Variants in PCDH15 observed in about 807,000 individuals in gnomAD.
PCDH15 encodes the protein protocadherin related 15, also known as protocadherin-15.
A neutral mutation model predicts 178.5 loss-of-function variants in PCDH15; 129 were observed. The ratio of observed to expected loss-of-function variants is 0.72; its 90% CI spans 0.63 to 0.84. The LOEUF (loss-of-function observed/expected upper bound fraction) is 0.84, where lower values mean the gene tolerates loss of function less well. Among genes scored for constraint, PCDH15 ranks in the 40% least tolerant of loss-of-function variants. The pLI is 0.00. For missense variants in PCDH15, 2,230 were observed against 2,099.9 expected (o/e 1.06, Z -1.21); for synonymous variants, 800 against 732.0 (o/e 1.09, Z -1.50).
At chr10:55,430,103 A>G (rs1838847935) in intron 2 of PCDH15, among the ~76,000 whole-genome samples, 1 of 152,178 alleles carries the variant, frequency 6.6e-6, no homozygotes, top group African/African-American at 2.4e-5. Context: ...AAGCCTGGGC[A>G]ACATAGTGAT....
chr10:54,170,821 T>G (rs1193895364), intron 13 of PCDH15, among the ~76,000 whole-genome samples: 1 of 152,010 alleles, frequency 6.6e-6, no homozygotes, highest in African/African-American at 2.4e-5. Context: ...GCCCGCCTCT[T>G]AGAACCTCTC....
intron 8 of PCDH15, among the ~76,000 whole-genome samples, chr10:54,239,552 G>C (rs911519681): frequency 6.6e-6 from 1 of 151,746 alleles, no homozygotes; most frequent in African/African-American, 2.4e-5. Context: ...GGGTAGATGG[G>C]ATAGAAAATA....
intron 19 of PCDH15, among the ~76,000 whole-genome samples, chr10:54,022,133 A>C (rs1565038644): frequency 6.6e-6 from 1 of 151,328 alleles, no homozygotes; most frequent in Non-Finnish European, 1.5e-5. Flanking sequence ...TTTTTTTTCC[A>C]AAACATACCT....
chr10:54,691,616 G>C (rs1402223239), intron 1 of PCDH15, among the ~76,000 whole-genome samples: 1 of 151,558 alleles, frequency 6.6e-6, no homozygotes, highest in African/African-American at 2.4e-5. Context: ...ATTTTGAATG[G>C]CAATGCTTAA....
intron 2 of PCDH15, among the ~76,000 whole-genome samples, chr10:55,136,317 A>G (rs1020627695): frequency 3.9e-5 from 6 of 152,060 alleles, no homozygotes; most frequent in Admixed American, 2.0e-4. Flanking sequence ...ATTAACACCA[A>G]GTTTCTTTCC....
At chr10:54,668,681 A>T (rs1304180531) in intron 1 of PCDH15, among the ~76,000 whole-genome samples, 3 of 152,186 alleles carry the variant, frequency 2.0e-5, no homozygotes, top group Admixed American at 2.0e-4. Context: ...GGTTGACACC[A>T]CAGCAGTTTT....
intron 37 of PCDH15, chr10:53,809,602 C>T (rs1400995499): frequency 1.3e-6 from 2 of 1,511,258 alleles, no homozygotes; most frequent in African/African-American, 1.4e-5. Flanking sequence ...TATGGTATGA[C>T]CTTGTCCCAC....
rs558178194 is a variant in PCDH15, at chr10:54,020,030, A to G, written c.2751+162T>C. On this transcript the variant is annotated intron_variant, in intron 20 of 37. Coordinates refer to ENST00000644397, the MANE Select transcript of PCDH15 (RefSeq NM_001384140.1). Reference sequence around the variant, plus strand: ...ATAGTCAAAAATATAGTTATTTCTTATGTATTCATAAATATTTCCATTGGA... The same window carrying G: ...ATAGTCAAAAATATAGTTATTTCTTGTGTATTCATAAATATTTCCATTGGA... Among the ~76,000 whole-genome samples the G allele has an allele frequency of 2.6e-5, 4 of 152,190 alleles. No individual in the cohort carries two copies. In the South Asian group the frequency reaches 8.3e-4, roughly 31 times the overall value.
intron 2 of PCDH15, among the ~76,000 whole-genome samples, chr10:55,102,520 T>TA: frequency 6.6e-6 from 1 of 152,232 alleles, no homozygotes; most frequent in Admixed American, 6.6e-5. Flanking sequence ...AGAACAATTA[T>TA]AAAAAGACTA....
chr10:54,322,206 A>C (rs2061654298), intron 7 of PCDH15, among the ~76,000 whole-genome samples: 1 of 151,962 alleles, frequency 6.6e-6, no homozygotes, highest in African/African-American at 2.4e-5. Flanking sequence ...TGAGTGGTAA[A>C]AAATAAAAAA....
At chr10:54,057,362 T>C (rs1013048036) in intron 18 of PCDH15, among the ~76,000 whole-genome samples, 5 of 152,190 alleles carry the variant, frequency 3.3e-5, no homozygotes, top group Admixed American at 6.5e-5. Flanking sequence ...CCATACATCC[T>C]CTGAAATCTA....
At chr10:54,617,755 C>CAAAAAAAAAAAAAAAA (rs71010398) in intron 2 of PCDH15, among the ~76,000 whole-genome samples, 1 of 117,124 alleles carries the variant, frequency 8.5e-6, no homozygotes, top group African/African-American at 3.4e-5. Context: ...TCTAAAAATA[C>CAAAAAAAAAAAAAAAA]AAAAAAAAAA....
intron 2 of PCDH15, among the ~76,000 whole-genome samples, chr10:55,609,197 A>C (rs1843304868): frequency 6.6e-6 from 1 of 152,110 alleles, no homozygotes; most frequent in Admixed American, 6.6e-5. Flanking sequence ...GTGCAAAAAC[A>C]GATGAGAGAG....
chr10:55,305,221 T>C (rs2132282400), intron 1 of PCDH15, among the ~76,000 whole-genome samples: 1 of 152,328 alleles, frequency 6.6e-6, no homozygotes, highest in Admixed American at 6.5e-5. Context: ...GAGTCAAAAC[T>C]TTGGGCTAGA....
chr10:55,202,756 C>T (rs756204084), intron 1 of PCDH15, among the ~76,000 whole-genome samples: 5 of 152,092 alleles, frequency 3.3e-5, no homozygotes, highest in Non-Finnish European at 7.3e-5. Context: ...TCCCCCATGC[C>T]GTTTACATGA....
intron 22 of PCDH15, among the ~76,000 whole-genome samples, chr10:53,960,611 T>C (rs115640451): frequency 0.013 from 2,034 of 152,320 alleles, 57 homozygotes; most frequent in African/African-American, 0.047. Context: ...TTCAGAACTA[T>C]GTGCTTCTTT....
intron 2 of PCDH15, among the ~76,000 whole-genome samples, chr10:55,532,077 G>C (rs1176607539): frequency 1.3e-5 from 2 of 151,936 alleles, no homozygotes; most frequent in Non-Finnish European, 2.9e-5. Flanking sequence ...ATGAATAACA[G>C]TTGTACATAG....
intron 1 of PCDH15, among the ~76,000 whole-genome samples, chr10:55,239,510 C>T (rs540014578): frequency 1.2e-4 from 19 of 152,228 alleles, no homozygotes; most frequent in Admixed American, 5.9e-4. Context: ...AAGAGTGAAA[C>T]TAGACCCCTC....
intron 3 of PCDH15, among the ~76,000 whole-genome samples, chr10:54,495,527 A>G (rs1390578886): frequency 6.6e-6 from 1 of 152,188 alleles, no homozygotes; most frequent in African/African-American, 2.4e-5. Flanking sequence ...GTTTAAGAGT[A>G]GCATTCAGAA....
Sources: allele counts gnomAD v4.1 joint callset (sites outside exome capture counted in the v4.1 genomes callset), GRCh38; gene constraint gnomAD v4.1.1; transcripts MANE v1.5; gene names NCBI Gene and HGNC (gene_info 2026-07-23, HGNC 2026-07-21).